KLHL7: variants seen among roughly 807,000 people sequenced by gnomAD.
KLHL7 encodes the protein kelch-like protein 7.
KLHL7 carries 44 observed loss-of-function variants against 67.4 expected under a neutral mutation model. That is an observed-to-expected ratio of 0.65 (90% CI 0.51 to 0.84). The LOEUF is 0.84. Among genes scored for constraint, KLHL7 ranks in the 40% least tolerant of loss-of-function variants. The pLI, the probability that KLHL7 is intolerant of heterozygous loss-of-function variation, is 0.00. For synonymous variants in KLHL7, 252 were observed against 243.3 expected (o/e 1.04, Z -0.33); for missense variants, 362 against 718.1 (o/e 0.50, Z 5.67).
intron 4 of KLHL7, among the ~76,000 whole-genome samples, chr7:23,136,891 C>T (rs2128463386): frequency 6.6e-6 from 1 of 152,124 alleles, no homozygotes; most frequent in East Asian, 1.9e-4. Flanking sequence ...AATTTTTTTC[C>T]AAATAAATGT....
At chr7:23,155,972 A>T (rs1784692896) in intron 7 of KLHL7, 2 of 433,006 alleles carry the variant, frequency 4.6e-6, no homozygotes, top group Non-Finnish European at 9.5e-6. Flanking sequence ...TCTTTCCTTG[A>T]TTTTTTTTTA....
At chr7:23,144,072 T>A in intron 6 of KLHL7, 47 bp downstream of exon 6, 1 of 1,491,176 alleles carries the variant, frequency 6.7e-7, no homozygotes, top group Non-Finnish European at 9.3e-7. Context: ...GTAGCCAGTT[T>A]CTCATGGGCT....
intron 1 of KLHL7, among the ~76,000 whole-genome samples, chr7:23,112,688 T>TA (rs1224427986): frequency 2.0e-5 from 3 of 152,168 alleles, no homozygotes; most frequent in Admixed American, 2.0e-4. Flanking sequence ...TAAAAATACT[T>TA]ATAGTAGGAC....
intron 5 of KLHL7, among the ~76,000 whole-genome samples, chr7:23,141,662 G>A (rs574709633): frequency 1.1e-4 from 17 of 151,922 alleles, no homozygotes; most frequent in Admixed American, 7.9e-4. Context: ...TCGCTCTGTT[G>A]CCCAGGCTGG....
At chr7:23,140,576 AAC>A (rs1784144746) in intron 4 of KLHL7, 191 bp from the exon 5 acceptor site, 1 of 633,208 alleles carries the variant, frequency 1.6e-6, no homozygotes. Flanking sequence ...AAAAACAAAA[AAC>A]AAAAAAAAAA....
intron 1 of KLHL7, among the ~76,000 whole-genome samples, chr7:23,107,146 A>AT (rs1782678288): frequency 6.6e-6 from 1 of 152,134 alleles, no homozygotes; most frequent in African/African-American, 2.4e-5. Context: ...GACTGCTGGG[A>AT]TTTTGTCTTT....
In KLHL7 at chr7:23,106,002, C is replaced by G. The variant is rs1782618168; in HGVS notation, c.-25C>G. Reference sequence around the variant, plus strand: ...ACCCCTCGCCCGGCCCGGCGAGCCCCGGGCGTGAACCGAGCTGAGGGAGGA... The same window carrying G: ...ACCCCTCGCCCGGCCCGGCGAGCCCGGGGCGTGAACCGAGCTGAGGGAGGA... On this transcript the variant is annotated 5_prime_UTR_variant, in exon 1 of 11. Transcript: ENST00000339077. The G allele has an allele frequency of 2.5e-6, 4 of 1,606,230 alleles. No homozygotes were observed. In the East Asian group the frequency reaches 9.0e-5, roughly 36 times the overall value.
At chr7:23,121,470 ATTTT>A (rs59152744) in intron 1 of KLHL7, among the ~76,000 whole-genome samples, 3 of 148,230 alleles carry the variant, frequency 2.0e-5, no homozygotes, top group African/African-American at 7.4e-5. Context: ...TAATTTTTGT[ATTTT>A]TTTTTTGTAG....
At chr7:23,168,707 G>C (rs1785071257) in intron 9 of KLHL7, among the ~76,000 whole-genome samples, 1 of 152,032 alleles carries the variant, frequency 6.6e-6, no homozygotes, top group African/African-American at 2.4e-5. Flanking sequence ...AAGCTGATGA[G>C]GACATAAAAC....
chr7:23,174,148 G>A lies in KLHL7; in HGVS notation c.1611G>A (p.Gln537=). ...TAGTTTATGTCTTGGCTGGTTTTCA[G>A]GGTGTTGGTCGATTAGGACACATTC... The part of the protein sequence containing the change: ...GSIVYVLAGF[Q]GVGRLGHILE... Residue 537 remains glutamine (Q), a synonymous_variant, in exon 11 of 11, where the codon CAG becomes CAA. Coordinates refer to ENST00000339077, the MANE Select transcript of KLHL7 (RefSeq NM_001031710.3). 1 of 1,614,184 alleles carries A rather than the reference G, an allele frequency of 6.2e-7. No individual in the cohort carries two copies. Among genetic ancestry groups the A allele is most frequent in the Non-Finnish European group, 8.5e-7 (1 of 1,180,026 alleles).
At chr7:23,146,759 A>G (rs1451836766) in intron 6 of KLHL7, among the ~76,000 whole-genome samples, 2 of 151,924 alleles carry the variant, frequency 1.3e-5, no homozygotes, top group Admixed American at 6.6e-5. Context: ...AGATGGCTCA[A>G]TACCATTATT....
At chr7:23,158,043 G>T (rs999702657) in intron 7 of KLHL7, among the ~76,000 whole-genome samples, 2 of 152,138 alleles carry the variant, frequency 1.3e-5, no homozygotes, top group Non-Finnish European at 2.9e-5. Flanking sequence ...GTGGCTCACT[G>T]CAGCCTTGAC....
At chr7:23,109,282 T>TTTATTTCTTTAAC (rs1390860846) in intron 1 of KLHL7, among the ~76,000 whole-genome samples, 1 of 152,226 alleles carries the variant, frequency 6.6e-6, no homozygotes, top group East Asian at 1.9e-4. Context: ...TACCTTTTCA[T>TTTATTTCTTTAAC]TTATTTCTTT....
At chr7:23,133,922 T>C (rs1777690082) in intron 4 of KLHL7, among the ~76,000 whole-genome samples, 1 of 152,220 alleles carries the variant, frequency 6.6e-6, no homozygotes, top group Non-Finnish European at 1.5e-5. Context: ...TCTTCCTTTC[T>C]GGTTTGGCTG....
Position 23,139,088 on chromosome 7 carries a change from T to TAAAAA in KLHL7, c.443-1669_443-1665dup, listed in dbSNP as rs60821313. ...TTCATTGAAAAAGATTTATTAATGC[T>TAAAAA]AAAAAAAAAAAAAAAACAAGAATAC... On this transcript the variant is annotated intron_variant, in intron 4 of 10. Transcript: ENST00000339077. Among the ~76,000 whole-genome samples, 17 of 129,834 alleles carry TAAAAA rather than the reference T, an allele frequency of 1.3e-4. 1 individual carries two copies. Among genetic ancestry groups the TAAAAA allele is most frequent in the African/African-American group, 3.3e-4 (12 of 36,128 alleles). The allele number at this position is 129,834 out of a possible 152,430, so 85.2% of individuals were successfully genotyped here. A position where few individuals can be genotyped will look rare whatever the true frequency, so the allele number is the denominator to read the frequency against.
At chr7:23,123,997 C>A (rs1471536964) in intron 2 of KLHL7, 118 bp downstream of exon 2, 6 of 743,292 alleles carry the variant, frequency 8.1e-6, no homozygotes, top group Non-Finnish European at 9.2e-6. Context: ...GGCCACAGAA[C>A]AGTGAAGAGA....
In KLHL7 at chr7:23,150,794, G is replaced by C. The variant is rs968710473; in HGVS notation, c.794-1273G>C. Among the ~76,000 whole-genome samples the C allele has an allele frequency of 2.0e-5, 3 of 152,130 alleles. No individual in the cohort carries two copies. In the East Asian group the frequency reaches 5.8e-4, roughly 29 times the overall value. ...TTATACCCTGTGGTCCAGGCAGTTT[G>C]ATCTTGGCCAATCTGATAAGTGAAA... On this transcript the variant is annotated intron_variant, in intron 6 of 10. Transcript: ENST00000339077.
chr7:23,170,168 C>T (rs971872397), intron 9 of KLHL7, among the ~76,000 whole-genome samples: 11 of 152,260 alleles, frequency 7.2e-5, no homozygotes, highest in African/African-American at 2.6e-4. Flanking sequence ...GAGCTGAGAT[C>T]GTGCCATTGC....
Position 23,177,553 on chromosome 7 carries a change from C to G in KLHL7, c.*3255C>G, listed in dbSNP as rs1785315884. ...AGGATAGTGCGTAAAAGTACACTCA[C>G]CATACTGACAAGCACATTTTCTATT... On this transcript the variant is annotated 3_prime_UTR_variant, in exon 11 of 11. Transcript: ENST00000339077. 1 of 152,126 alleles carries G rather than the reference C, an allele frequency of 6.6e-6. No individual in the cohort carries two copies. The highest frequency in any genetic ancestry group is 6.6e-5 in the Admixed American group (1 of 15,266). The allele number at this position is 152,126 out of a possible 1,614,324, so 9.4% of individuals were successfully genotyped here.
Sources: allele counts gnomAD v4.1 joint callset (sites outside exome capture counted in the v4.1 genomes callset), GRCh38; gene constraint gnomAD v4.1.1; transcripts MANE v1.5; gene names NCBI Gene and HGNC (gene_info 2026-07-23, HGNC 2026-07-21).